ABTB2: variants seen among roughly 807,000 people sequenced by gnomAD.
ABTB2 encodes ankyrin repeat and BTB domain containing 2, also known as ankyrin repeat and BTB/POZ domain-containing protein 2.
In ABTB2, 56 loss-of-function variants were observed where a neutral mutation model predicts 104.1. The observed-to-expected ratio is 0.54, with a 90% CI of 0.43 to 0.67. ABTB2 has a LOEUF of 0.67. Ranked by LOEUF, ABTB2 falls within the 30% of genes least tolerant of loss-of-function variation. ABTB2 has a pLI of 0.00. For missense variants in ABTB2, 1,279 were observed against 1,407.7 expected (o/e 0.91, Z 1.46); for synonymous variants, 606 against 608.2 (o/e 1.00, Z 0.05).
intron 1 of ABTB2, among the ~76,000 whole-genome samples, chr11:34,286,453 C>T (rs1031959388): frequency 2.6e-5 from 4 of 151,942 alleles, no homozygotes; most frequent in Non-Finnish European, 5.9e-5. Context: ...CCACCACACC[C>T]AGCTAATGTT....
At chr11:34,354,462 T>A (rs1564940068) in intron 1 of ABTB2, among the ~76,000 whole-genome samples, 2 of 14,750 alleles carry the variant, frequency 1.4e-4, no homozygotes, top group Non-Finnish European at 2.4e-4. Context: ...TGTCTCTATT[T>A]AAAAAAACAA....
chr11:34,226,488 T>C (rs1052825786), intron 1 of ABTB2, among the ~76,000 whole-genome samples: 2 of 152,152 alleles, frequency 1.3e-5, no homozygotes, highest in African/African-American at 2.4e-5. Flanking sequence ...TGTGACATGA[T>C]GGTATCACAT....
intron 1 of ABTB2, among the ~76,000 whole-genome samples, chr11:34,337,155 G>A (rs570695891): frequency 1.1e-4 from 16 of 152,370 alleles, no homozygotes; most frequent in African/African-American, 3.4e-4. Flanking sequence ...GGAGGCCTGT[G>A]CTGGGCTTGC....
intron 1 of ABTB2, among the ~76,000 whole-genome samples, chr11:34,344,064 C>T (rs1366063096): frequency 6.6e-6 from 1 of 152,146 alleles, no homozygotes. Context: ...AGGCCCCATG[C>T]CTTCTCAAGC....
chr11:34,348,031 C>G (rs1855354784), intron 1 of ABTB2, among the ~76,000 whole-genome samples: 1 of 152,206 alleles, frequency 6.6e-6, no homozygotes, highest in African/African-American at 2.4e-5. Context: ...TTGCTTTGGC[C>G]TGTAATGCTA....
At chr11:34,164,024 G>A (rs986346193) in intron 9 of ABTB2, among the ~76,000 whole-genome samples, 1 of 152,148 alleles carries the variant, frequency 6.6e-6, no homozygotes, top group Non-Finnish European at 1.5e-5. Context: ...TCTAGGGGAG[G>A]GGACCCCAGC....
chr11:34,346,114 A>G (rs10768062), intron 1 of ABTB2, among the ~76,000 whole-genome samples: 23,480 of 152,132 alleles, frequency 0.15, 3,164 homozygotes, highest in East Asian at 0.35. Flanking sequence ...TGTCATCCTC[A>G]GTTACTCTCA....
At chr11:34,271,455 TA>T (rs1205187541) in intron 1 of ABTB2, among the ~76,000 whole-genome samples, 1 of 152,070 alleles carries the variant, frequency 6.6e-6, no homozygotes, top group African/African-American at 2.4e-5. Context: ...TACATACAAC[TA>T]GGCCAGGAGT....
intron 1 of ABTB2, among the ~76,000 whole-genome samples, chr11:34,216,959 T>C (rs542953850): frequency 6.6e-6 from 1 of 152,336 alleles, no homozygotes; most frequent in African/African-American, 2.4e-5. Context: ...TAGATGTTCC[T>C]GCCTCTTTCC....
intron 1 of ABTB2, among the ~76,000 whole-genome samples, chr11:34,282,848 A>G (rs1262312954): frequency 6.7e-6 from 1 of 149,616 alleles, no homozygotes; most frequent in African/African-American, 2.5e-5. Context: ...TGTGCTTTTC[A>G]TGATCCATAT....
At chr11:34,156,189 G>C (rs945589067) in intron 14 of ABTB2, among the ~76,000 whole-genome samples, 24 of 152,250 alleles carry the variant, frequency 1.6e-4, no homozygotes, top group African/African-American at 5.3e-4. Context: ...GTGGCACATG[G>C]ATCTCCCTGA....
At chr11:34,209,499 T>A (rs1428015808) in intron 1 of ABTB2, among the ~76,000 whole-genome samples, 1 of 127,616 alleles carries the variant, frequency 7.8e-6, no homozygotes, top group Admixed American at 8.7e-5. Flanking sequence ...GCACACCTGA[T>A]CCTCGCTTCT....
chr11:34,154,738 G>C lies in ABTB2; in HGVS notation c.2729C>G (p.Thr910Arg). 8 of 1,614,182 alleles carry C rather than the reference G, an allele frequency of 5.0e-6. No homozygotes were observed. Among genetic ancestry groups the C allele is most frequent in the Non-Finnish European group, 6.8e-6 (8 of 1,180,026 alleles). Residue 910 changes from threonine to arginine, a missense_variant, in exon 15 of 17, where the codon ACA becomes AGA. Physicochemically the swap from Thr to Arg is moderately conservative, Grantham distance 71. Transcript: ENST00000435224. This position sits in a 1 kb window ranked among gnomAD's most constrained non-coding sequence, Gnocchi z 4.9. ...AGTGGTGGGGATCTCCATGGATTCT[G>C]TTCCTCCGTAGTACAGATACTGCAT... is the stretch of plus-strand genomic sequence containing the variant. ...MMMQYLYYGG[T>R]ESMEIPTTDI...
rs1278084688 is a variant in ABTB2 at position 34,282,915 on chromosome 11, C to CT, written c.883+73785dup. Among the ~76,000 whole-genome samples the CT allele has an allele frequency of 2.2e-3, 317 of 142,434 alleles. 2 individuals carry two copies. The highest frequency in any genetic ancestry group is 5.6e-3 in the African/African-American group (219 of 38,878). The allele number at this position is 142,434 out of a possible 152,430, so 93.4% of individuals were successfully genotyped here. A position where few individuals can be genotyped will look rare whatever the true frequency, so the allele number is the denominator to read the frequency against. On this transcript the variant is annotated intron_variant, in intron 1 of 16. Coordinates refer to ENST00000435224, the MANE Select transcript of ABTB2 (RefSeq NM_145804.3). ...TTATAAAATTTTAAAAAGTCTTTTT[C>CT]TTTTTTTTTTTGAGATGGAGTCTCG... is the stretch of plus-strand genomic sequence containing the variant.
chr11:34,173,099 G>A (rs1344292026), intron 4 of ABTB2, 56 bp downstream of exon 4: 3 of 1,607,898 alleles, frequency 1.9e-6, no homozygotes, highest in Non-Finnish European at 2.5e-6. Context: ...GAGCAGAGGG[G>A]AGCCGCTGGG....
intron 1 of ABTB2, among the ~76,000 whole-genome samples, chr11:34,351,219 G>A (rs899703106): frequency 9.2e-5 from 14 of 152,230 alleles, no homozygotes; most frequent in Admixed American, 7.2e-4. Context: ...TCAGTCCTCA[G>A]ACTGGAGGCA....
intron 5 of ABTB2, among the ~76,000 whole-genome samples, chr11:34,168,823 C>T (rs1218548262): frequency 6.6e-6 from 1 of 152,250 alleles, no homozygotes; most frequent in African/African-American, 2.4e-5. Context: ...GGGGCCGCCT[C>T]CCTGGCTGGG....
rs375393691 is a variant in ABTB2 at position 34,335,905 on chromosome 11, G to A, written c.883+20796C>T. 2.1e-3 allele frequency: 1,539 copies of A among 749,336 alleles called. 31 individuals are homozygous for A. In the South Asian group the frequency reaches 0.024, roughly 12 times the overall value. The allele number at this position is 749,336 out of a possible 1,614,324, so 46.4% of individuals were successfully genotyped here. The stretch of plus-strand genomic sequence containing the variant: ...AGACACCTAAACCTGACAATCCTGC[G>A]GTTGAAAAGGCTTTGGGATTGCCAA... On this transcript the variant is annotated intron_variant, in intron 1 of 16. Coordinates refer to ENST00000435224, the MANE Select transcript of ABTB2 (RefSeq NM_145804.3).
rs568305976 is a variant in ABTB2 at position 34,336,652 on chromosome 11, C to A, written c.883+20049G>T. On this transcript the variant is annotated intron_variant, in intron 1 of 16. Coordinates refer to ENST00000435224, the MANE Select transcript of ABTB2 (RefSeq NM_145804.3). Reference sequence around the variant, plus strand: ...AGGGAGGCCCTGTCTCAAAAAAAAACAAAACAAACAAACAAACAAAAAAAA... The same window carrying A: ...AGGGAGGCCCTGTCTCAAAAAAAAAAAAAACAAACAAACAAACAAAAAAAA... 4.2e-4 allele frequency among the ~76,000 whole-genome samples: 64 copies of A among 151,576 alleles called. 2 individuals are homozygous for A. In the East Asian group the frequency reaches 0.01, roughly 24 times the overall value.
Sources: gnomAD v4.1 joint callset for allele counts (sites outside exome capture counted in the v4.1 genomes callset) on GRCh38, gnomAD v4.1.1 for gene constraint, Gnocchi (gnomAD v3.1) non-coding constraint, MANE v1.5 for transcripts, NCBI Gene and HGNC (gene_info 2026-07-23, HGNC 2026-07-21) for gene names.